The following VSIG1 variants were observed in gnomAD, a reference collection of about 807,000 sequenced individuals.
VSIG1 encodes the protein V-set and immunoglobulin domain containing 1, also known as V-set and immunoglobulin domain-containing protein 1.
A neutral mutation model predicts 20.1 loss-of-function variants in VSIG1; 11 were observed. That is an observed-to-expected ratio of 0.55 (90% confidence interval 0.34 to 0.91). The LOEUF is 0.91. Among genes scored for constraint, VSIG1 ranks in the 40% least tolerant of loss-of-function variants. The pLI, the probability that VSIG1 is intolerant of heterozygous loss-of-function variation, is 0.02. For synonymous variants in VSIG1, 126 were observed against 116.7 expected (o/e 1.08, Z -0.52); for missense variants, 283 against 298.8 (o/e 0.95, Z 0.39).
the VSIG1 span, among the ~76,000 whole-genome samples, chrX:108,023,576 C>G: frequency 1.8e-5 from 2 of 111,767 alleles, no homozygotes; most frequent in Non-Finnish European, 3.8e-5. Context: ...TGGTCCTAGG[C>G]TTTTCTTTGT....
chrX:108,068,674 T>G (rs1459859213), intron 3 of VSIG1, among the ~76,000 whole-genome samples: 1 of 111,955 alleles, frequency 8.9e-6, no homozygotes, highest in East Asian at 2.8e-4. Flanking sequence ...CATGATCCAG[T>G]CACCTCTCAC....
the VSIG1 span, among the ~76,000 whole-genome samples, chrX:108,019,373 GCC>G: frequency 8.9e-6 from 1 of 112,163 alleles, no homozygotes; most frequent in African/African-American, 3.3e-5. Context: ...CTTCAACCCT[GCC>G]CCCCCGTGTT....
intron 2 of VSIG1, among the ~76,000 whole-genome samples, chrX:108,062,117 A>G (rs2031040363): frequency 1.8e-5 from 2 of 111,070 alleles, no homozygotes; most frequent in Non-Finnish European, 3.8e-5. Context: ...GGTCACACAG[A>G]TGGCTTCATC....
the VSIG1 span, among the ~76,000 whole-genome samples, chrX:108,039,746 G>C: frequency 2.7e-5 from 3 of 110,779 alleles, no homozygotes; most frequent in Admixed American, 1.9e-4. Context: ...TTAGAGTCTA[G>C]ATAGGCTTGA....
At chrX:108,045,229 CTTTTA>C in intron 1 of VSIG1, 50 bp downstream of exon 1, 1 of 1,062,287 alleles carries the variant, frequency 9.4e-7, no homozygotes, top group Non-Finnish European at 1.3e-6. Context: ...ACAGAGTTTC[CTTTTA>C]AATAAAAATT....
At chrX:108,022,605 ACATCCTTGTT>A in the VSIG1 span, among the ~76,000 whole-genome samples, 5 of 112,075 alleles carry the variant, frequency 4.5e-5, no homozygotes, top group Non-Finnish European at 9.4e-5. Context: ...GCAAGAGTAA[ACATCCTTGTT>A]TTGTTCCTGA....
chrX:108,060,931 A>G lies in VSIG1; in HGVS notation c.213+2730A>G, dbSNP rs2281154. 8.0e-5 allele frequency among the ~76,000 whole-genome samples: 9 copies of G among 112,100 alleles called. No homozygotes were observed. The East Asian group carries it at 2.0e-3, about 25-fold the overall frequency. ...CCTGGTGATCTAGAGGGACTGACTC[A>G]TGGGCACTAGGGAGCCTAGCTCAAG... On this transcript the variant is annotated intron_variant, in intron 2 of 6. Transcript: ENST00000217957.
chrX:108,068,485 G>C (rs759630414), intron 3 of VSIG1, among the ~76,000 whole-genome samples: 1 of 111,739 alleles, frequency 8.9e-6, no homozygotes, highest in Non-Finnish European at 1.9e-5. Flanking sequence ...AAGCATAGCA[G>C]CTTCTTGGGA....
the VSIG1 span, among the ~76,000 whole-genome samples, chrX:108,019,455 G>A: frequency 3.6e-5 from 4 of 112,523 alleles, no homozygotes; most frequent in Non-Finnish European, 7.5e-5. Flanking sequence ...TGATCAGGTG[G>A]AGGTGGCATG....
At chrX:108,059,771 G>T (rs807166) in intron 2 of VSIG1, among the ~76,000 whole-genome samples, 5,933 of 112,133 alleles carry the variant, frequency 0.053, 419 homozygotes, top group African/African-American at 0.18. Context: ...TTCAATTTCC[G>T]GACTAGTCTT....
intron 3 of VSIG1, among the ~76,000 whole-genome samples, chrX:108,068,507 A>G (rs749421899): frequency 8.9e-6 from 1 of 111,883 alleles, no homozygotes; most frequent in Non-Finnish European, 1.9e-5. Context: ...GCCTCAGGAA[A>G]CTACAATCAT....
intron 1 of VSIG1, among the ~76,000 whole-genome samples, chrX:108,047,959 CACATATATATATATATATATATATATAT>C (rs2030679822): frequency 1.4e-4 from 2 of 14,808 alleles, no homozygotes; most frequent in South Asian, 2.5e-3. Flanking sequence ...TATATACACA[CACATATATATATATATATATATATATAT>C]ATATATATAT....
the VSIG1 span, among the ~76,000 whole-genome samples, chrX:108,038,651 C>CATAT: frequency 8.9e-6 from 1 of 112,147 alleles, no homozygotes; most frequent in African/African-American, 3.2e-5. Context: ...AAATGTGGCA[C>CATAT]ATATACATCA....
At chrX:108,035,386 C>CT in the VSIG1 span, among the ~76,000 whole-genome samples, 34 of 108,109 alleles carry the variant, frequency 3.1e-4, no homozygotes, top group South Asian at 8.0e-4. Context: ...AGTAACAATT[C>CT]TTTTTTTTTT....
At position 108,058,169 on chromosome X, in the gene VSIG1, T is replaced by G; in HGVS notation, c.181T>G (p.Phe61Val). 8.3e-7 allele frequency: 1 copy of G among 1,209,984 alleles called. No individual in the cohort carries two copies. The highest frequency in any genetic ancestry group is 1.1e-6 in the Non-Finnish European group (1 of 894,766). The change falls in exon 2 of 7, where the codon TTC becomes GTC. Residue 61 changes from phenylalanine to valine, a missense_variant. By Grantham distance (50) the Phe-to-Val change is conservative (BLOSUM62 -1). Coordinates refer to ENST00000217957, the MANE Select transcript of VSIG1 (RefSeq NM_182607.5). ...AGAACAGCTTTCCATCCAGTGGTCT[T>G]TCTTCCATAAGAAGGAGATGGAGCC... ...SREQLSIQWS[F>V]FHKKEMEPIS...
the VSIG1 span, among the ~76,000 whole-genome samples, chrX:108,038,420 G>C: frequency 2.7e-5 from 3 of 111,691 alleles, no homozygotes; most frequent in Non-Finnish European, 5.6e-5. Context: ...TCCCTGCAAA[G>C]GACATGATCT....
chrX:108,058,247 T>A, intron 2 of VSIG1, 46 bp downstream of exon 2: 1 of 1,123,873 alleles, frequency 8.9e-7, no homozygotes, highest in Non-Finnish European at 1.2e-6. Context: ...TAGTTCTGAC[T>A]GAAAACTGTT....
the VSIG1 span, among the ~76,000 whole-genome samples, chrX:108,032,929 T>G: frequency 2.7e-5 from 3 of 110,751 alleles, no homozygotes; most frequent in African/African-American, 9.9e-5. Context: ...GGGAGCTATA[T>G]GTAGGACAAA....
chrX:108,055,185 A>G (rs2030870098), intron 1 of VSIG1, among the ~76,000 whole-genome samples: 1 of 111,378 alleles, frequency 9.0e-6, no homozygotes, highest in Non-Finnish European at 1.9e-5. Context: ...ACAATTATAC[A>G]TTCATATATT....
Sources: allele counts gnomAD v4.1 joint callset (sites outside exome capture counted in the v4.1 genomes callset), GRCh38; gene constraint gnomAD v4.1.1; transcripts MANE v1.5; gene names NCBI Gene and HGNC (gene_info 2026-07-23, HGNC 2026-07-21).